TFAP2C: variants seen among roughly 807,000 people sequenced by gnomAD.
TFAP2C encodes transcription factor AP-2 gamma.
A neutral mutation model predicts 42.9 loss-of-function variants in TFAP2C; 9 were observed. The ratio of observed to expected loss-of-function variants is 0.21; its 90% CI spans 0.13 to 0.37. TFAP2C has a LOEUF of 0.37. Ranked by LOEUF, TFAP2C falls within the 10% of genes least tolerant of loss-of-function variation. The pLI is 1.00. For synonymous variants in TFAP2C, 264 were observed against 256.0 expected (o/e 1.03, Z -0.30); for missense variants, 462 against 591.7 (o/e 0.78, Z 2.27).
Position 56,631,879 on chromosome 20 carries a change from C to T in TFAP2C, c.586+23C>T, listed in dbSNP as rs751503580. The T allele has an allele frequency of 6.2e-7, 1 of 1,614,036 alleles. No homozygotes were observed. Among genetic ancestry groups the T allele is most frequent in the Admixed American group, 1.7e-5 (1 of 60,028 alleles). ...AAGGTAAATAGCAAGGTGGCATCGT[C>T]TAACTCTGGTCACACGATCTGGGCT... On this transcript the variant is annotated intron_variant, in intron 3 of 6. Coordinates refer to ENST00000201031, the MANE Select transcript of TFAP2C (RefSeq NM_003222.4). This position sits in a 1 kb window ranked among gnomAD's most constrained non-coding sequence, Gnocchi z 6.1.
In TFAP2C at chr20:56,631,175, G is replaced by A. The variant is rs145413166; in HGVS notation, c.49-30G>A. 2.0e-6 allele frequency: 3 copies of A among 1,489,670 alleles called. No homozygotes were observed. Among genetic ancestry groups the A allele is most frequent in the Non-Finnish European group, 2.7e-6 (3 of 1,122,448 alleles). 92.3% of individuals were successfully genotyped at this position (1,489,670 alleles called of 1,614,324 possible). On this transcript the variant is annotated intron_variant, in intron 1 of 6. Coordinates refer to ENST00000201031, the MANE Select transcript of TFAP2C (RefSeq NM_003222.4). The surrounding 1 kb of genome is among the most constrained non-coding windows in gnomAD (Gnocchi z 6.1). ...CGCAGTAGCGGGGTTTCGCACTAAC[G>A]GGGTCTCCTGTTTTTTTTTTTCCCT...
In TFAP2C at chr20:56,631,633, G is replaced by A. The variant is rs1342524870; in HGVS notation, c.477G>A (p.Ala159=). ...CCCACGCACACGCCCTGGATGCCGC[G>A]GGCCTGGCCGAGAACCTGGGGCTCC... is the stretch of plus-strand genomic sequence containing the variant. The part of the protein sequence containing the change: ...LLPHAHALDA[A]GLAENLGLHD... Residue 159 remains alanine, a synonymous_variant, in exon 2 of 7, where the codon GCG becomes GCA. Coordinates refer to ENST00000201031, the MANE Select transcript of TFAP2C (RefSeq NM_003222.4). This position sits in a 1 kb window ranked among gnomAD's most constrained non-coding sequence, Gnocchi z 6.1. The A allele has an allele frequency of 7.6e-6, 12 of 1,576,490 alleles. No individual in the cohort carries two copies. Among genetic ancestry groups the A allele is most frequent in the African/African-American group, 6.8e-5 (5 of 74,006 alleles).
In TFAP2C at chr20:56,631,796, C is replaced by G. The variant is rs1485942592; in HGVS notation, c.535-9C>G. 2.5e-6 allele frequency: 4 copies of G among 1,614,186 alleles called. No homozygotes were observed. Among genetic ancestry groups the G allele is most frequent in the Admixed American group, 1.7e-5 (1 of 60,024 alleles). On this transcript the variant is annotated splice_polypyrimidine_tract_variant and intron_variant, in intron 2 of 6. Coordinates refer to ENST00000201031, the MANE Select transcript of TFAP2C (RefSeq NM_003222.4). The surrounding 1 kb of genome is among the most constrained non-coding windows in gnomAD (Gnocchi z 6.1). ...CGAACTTAAGGGAATTTTGTCCTCT[C>G]TCCCCCAGAATGTCGACGACCAGCA... is the stretch of plus-strand genomic sequence containing the variant.
At position 56,637,984 on chromosome 20, in the gene TFAP2C, C is replaced by T. The variant is rs1987618372; in HGVS notation, c.1324C>T (p.Leu442=). Residue 442 remains leucine (L), a synonymous_variant, in exon 7 of 7, where the codon CTG becomes TTG. Coordinates refer to ENST00000201031, the MANE Select transcript of TFAP2C (RefSeq NM_003222.4). ...GAGTCCAGCTGATTCTAACAAAACC[C>T]TGGAGAAAATGGAGAAACACAGGAA... ...DQSPADSNKT[L]EKMEKHRK is the part of the protein sequence containing the mutation. The T allele has an allele frequency of 1.2e-6, 2 of 1,613,570 alleles. No individual in the cohort carries two copies. Among genetic ancestry groups the T allele is most frequent in the Non-Finnish European group, 1.7e-6 (2 of 1,179,626 alleles).
In TFAP2C at chr20:56,638,365, G is replaced by A. The variant is rs1038099017; in HGVS notation, c.*352G>A. 1 of 206,578 alleles carries A rather than the reference G, an allele frequency of 4.8e-6. No homozygotes were observed. The highest frequency in any genetic ancestry group is 2.3e-5 in the African/African-American group (1 of 43,432). 12.8% of individuals were successfully genotyped at this position (206,578 alleles called of 1,614,324 possible). ...CTGGGCCAACAGACCCACACACTTAGCCATTGAAATGTCAAATTGATGTGC... is the reference window on the plus strand; with the variant it reads ...CTGGGCCAACAGACCCACACACTTAACCATTGAAATGTCAAATTGATGTGC... On this transcript the variant is annotated 3_prime_UTR_variant, in exon 7 of 7. Transcript: ENST00000201031.
chr20:56,634,449 ACATT>A (rs762737176), intron 5 of TFAP2C, among the ~76,000 whole-genome samples, 181 bp downstream of exon 5: 1 of 152,248 alleles, frequency 6.6e-6, no homozygotes, highest in East Asian at 1.9e-4. Flanking sequence ...GAATAAGTTA[ACATT>A]TAAGTATCTG....
At position 56,634,188 on chromosome 20, in the gene TFAP2C, A is replaced by C. The variant is rs760642032; in HGVS notation, c.842A>C (p.Lys281Thr). Residue 281 changes from lysine to threonine, a missense_variant, in exon 5 of 7, where the codon AAG becomes ACG. Coordinates refer to ENST00000201031, the MANE Select transcript of TFAP2C (RefSeq NM_003222.4). ...SKNGGRSLRE[K>T]LDKIGLNLPA... Reference sequence around the variant, plus strand: ...AATGGAGGCCGGTCCTTGCGGGAGAAGTTGGACAAGATTGGGTTGAATCTT... The same window carrying C: ...AATGGAGGCCGGTCCTTGCGGGAGACGTTGGACAAGATTGGGTTGAATCTT... 6.2e-7 allele frequency: 1 copy of C among 1,614,066 alleles called. No homozygotes were observed.
intron 5 of TFAP2C, among the ~76,000 whole-genome samples, chr20:56,635,077 T>C (rs1000642112): frequency 3.9e-5 from 6 of 152,196 alleles, no homozygotes; most frequent in Admixed American, 6.5e-5. Flanking sequence ...CAGTACCCTC[T>C]TTTGAAGACT....
rs750830375 is a variant in TFAP2C, at chr20:56,631,641, C to T, written c.485C>T (p.Ala162Val). The T allele has an allele frequency of 3.0e-5, 47 of 1,579,102 alleles. No individual in the cohort carries two copies. The highest frequency in any genetic ancestry group is 3.6e-5 in the Non-Finnish European group (42 of 1,168,388). The change falls in exon 2 of 7, where the codon GCC (alanine) becomes GTC (valine). Residue 162 changes from alanine (A) to valine (V), a missense_variant. Coordinates refer to ENST00000201031, the MANE Select transcript of TFAP2C (RefSeq NM_003222.4). The surrounding 1 kb of genome is among the most constrained non-coding windows in gnomAD (Gnocchi z 6.1). ...CACGCCCTGGATGCCGCGGGCCTGGCCGAGAACCTGGGGCTCCACGACATG... is the reference window on the plus strand; with the variant it reads ...CACGCCCTGGATGCCGCGGGCCTGGTCGAGAACCTGGGGCTCCACGACATG... ...HAHALDAAGLAENLGLHDMPH... is the reference protein window; with the variant it reads ...HAHALDAAGLVENLGLHDMPH...
In TFAP2C at chr20:56,630,383, C is replaced by T. The variant is rs907969618; in HGVS notation, c.48+791C>T. 4.3e-6 allele frequency: 2 copies of T among 462,308 alleles called. No homozygotes were observed. Among genetic ancestry groups the T allele is most frequent in the South Asian group, 1.6e-5 (1 of 63,966 alleles). The allele number at this position is 462,308 out of a possible 1,614,324, so 28.6% of individuals were successfully genotyped here. On this transcript the variant is annotated intron_variant, in intron 1 of 6. Coordinates refer to ENST00000201031, the MANE Select transcript of TFAP2C (RefSeq NM_003222.4). This position sits in a 1 kb window ranked among gnomAD's most constrained non-coding sequence, Gnocchi z 5.1. ...GCCATGTTCCTCCAGGTTCCCGGCG[C>T]CCCGAGACCCCTGGGCAGATGGGGA...
chr20:56,636,518 TC>T, intron 5 of TFAP2C, 91 bp from the exon 6 acceptor site: 9 of 1,346,662 alleles, frequency 6.7e-6, no homozygotes, highest in Non-Finnish European at 7.9e-6. Context: ...AGAGCGAGAC[TC>T]CGTGTCAAAA....
At chr20:56,632,995 G>C (rs920067401) in intron 3 of TFAP2C, among the ~76,000 whole-genome samples, 7 of 152,100 alleles carry the variant, frequency 4.6e-5, no homozygotes, top group Non-Finnish European at 1.0e-4. Flanking sequence ...AGGCCAAGGT[G>C]GGCAGATCAC....
chr20:56,639,002 ACAT>A lies in TFAP2C; in HGVS notation c.*993_*995del, dbSNP rs1987639171. On this transcript the variant is annotated 3_prime_UTR_variant, in exon 7 of 7. Transcript: ENST00000201031. ...TAATGGTGATGGGGTAATCTATAAC[ACAT>A]CATAAGGTTTTATTCATATATATAC... The A allele has an allele frequency of 2.0e-5, 3 of 152,610 alleles. No individual in the cohort carries two copies. The highest frequency in any genetic ancestry group is 3.8e-4 in the East Asian group (2 of 5,196). 9.5% of individuals were successfully genotyped at this position (152,610 alleles called of 1,614,324 possible).
chr20:56,630,992 T>C lies in TFAP2C; in HGVS notation c.49-213T>C, dbSNP rs888015121. ...CTTTGAGAACTCGTTCCCCCAGGTC[T>C]TTCACCAGACTCTCCTCCCTCCCCG... On this transcript the variant is annotated intron_variant, in intron 1 of 6. Transcript: ENST00000201031. The surrounding 1 kb of genome is among the most constrained non-coding windows in gnomAD (Gnocchi z 5.1). 2.0e-6 allele frequency: 2 copies of C among 985,210 alleles called. No individual in the cohort carries two copies. The highest frequency in any genetic ancestry group is 3.5e-5 in the African/African-American group (2 of 57,234). The allele number at this position is 985,210 out of a possible 1,614,324, so 61.0% of individuals were successfully genotyped here. A position where few individuals can be genotyped will look rare whatever the true frequency, so the allele number is the denominator to read the frequency against.
In TFAP2C at chr20:56,629,659, A is replaced by G; in HGVS notation, c.48+67A>G. On this transcript the variant is annotated intron_variant, in intron 1 of 6. Coordinates refer to ENST00000201031, the MANE Select transcript of TFAP2C (RefSeq NM_003222.4). The surrounding 1 kb of genome is among the most constrained non-coding windows in gnomAD (Gnocchi z 5.9). The stretch of plus-strand genomic sequence containing the variant: ...CAGTCCGGGAGGCAGGGGCCACTGG[A>G]CCGAGGTCGGGGACGAGGGCATAGG... The G allele has an allele frequency of 1.6e-6, 2 of 1,284,772 alleles. No homozygotes were observed. The highest frequency in any genetic ancestry group is 2.0e-6 in the Non-Finnish European group (2 of 994,944). 79.6% of individuals were successfully genotyped at this position (1,284,772 alleles called of 1,614,324 possible).
At position 56,629,895 on chromosome 20, in the gene TFAP2C, C is replaced by T. The variant is rs966019936; in HGVS notation, c.48+303C>T. ...TGCTTCCCGTTTTCTCGGAAAAGTG[C>T]CCCGTCTGCAACCCTCAGACGTGGC... On this transcript the variant is annotated intron_variant, in intron 1 of 6. Transcript: ENST00000201031. The surrounding 1 kb of genome is among the most constrained non-coding windows in gnomAD (Gnocchi z 5.9). Among the ~76,000 whole-genome samples, 3 of 152,170 alleles carry T rather than the reference C, an allele frequency of 2.0e-5. No homozygotes were observed. The highest frequency in any genetic ancestry group is 7.2e-5 in the African/African-American group (3 of 41,440).
chr20:56,636,768 C>G lies in TFAP2C; in HGVS notation c.1067+14C>G. On this transcript the variant is annotated intron_variant, in intron 6 of 6. Coordinates refer to ENST00000201031, the MANE Select transcript of TFAP2C (RefSeq NM_003222.4). ...ATTGGCGGCCCAGTAAGTATCTGAACTTGAATTTGATGATGACTCAATGCT... is the reference window on the plus strand; with the variant it reads ...ATTGGCGGCCCAGTAAGTATCTGAAGTTGAATTTGATGATGACTCAATGCT... The G allele has an allele frequency of 6.2e-7, 1 of 1,609,066 alleles. No individual in the cohort carries two copies. Among genetic ancestry groups the G allele is most frequent in the Non-Finnish European group, 8.5e-7 (1 of 1,177,616 alleles).
At chr20:56,634,069 G>A (rs6025022) in intron 4 of TFAP2C, 81 bp from the exon 5 acceptor site, 1 of 900,208 alleles carries the variant, frequency 1.1e-6, no homozygotes, top group Non-Finnish European at 1.8e-6. Context: ...CAGCACTTTA[G>A]GAGTTTAGAA....
In TFAP2C at chr20:56,637,964, C is replaced by A. The variant is rs1987617962; in HGVS notation, c.1304C>A (p.Pro435Gln). 1 of 1,613,976 alleles carries A rather than the reference C, an allele frequency of 6.2e-7. No homozygotes were observed. Among genetic ancestry groups the A allele is most frequent in the South Asian group, 1.1e-5 (1 of 91,078 alleles). The stretch of plus-strand genomic sequence containing the variant: ...TACATGAACCCTGGAGACCAGAGTC[C>A]AGCTGATTCTAACAAAACCCTGGAG... ...KSYMNPGDQS[P>Q]ADSNKTLEKM... is the part of the protein sequence containing the mutation. Residue 435 changes from proline to glutamine, a missense_variant, in exon 7 of 7, where the codon CCA becomes CAA. By Grantham distance (76) the Pro-to-Gln change is moderately conservative (BLOSUM62 -1). Coordinates refer to ENST00000201031, the MANE Select transcript of TFAP2C (RefSeq NM_003222.4).
Sources: allele counts gnomAD v4.1 joint callset (sites outside exome capture counted in the v4.1 genomes callset), GRCh38; gene constraint gnomAD v4.1.1; non-coding constraint Gnocchi (gnomAD v3.1); transcripts MANE v1.5; gene names NCBI Gene and HGNC (gene_info 2026-07-23, HGNC 2026-07-21).